The following TENM3 variants were observed in gnomAD, a reference collection of about 807,000 sequenced individuals.
TENM3 encodes teneurin-3.
Under a neutral mutation model 255.1 loss-of-function variants are expected in TENM3, and 63 were observed. The ratio of observed to expected loss-of-function variants is 0.25; its 90% confidence interval spans 0.20 to 0.30. The LOEUF (loss-of-function observed/expected upper bound fraction) is 0.30, where lower values mean the gene tolerates loss of function less well. TENM3 is among the 10% of genes least tolerant of loss of function. TENM3 has a pLI of 1.00. For synonymous variants in TENM3, 1,306 were observed against 1,322.3 expected, an observed-to-expected ratio of 0.99 and a Z score of 0.27; for missense variants, 2,929 against 3,461.1, an observed-to-expected ratio of 0.85 and a Z score of 3.86.
intron 1 of TENM3, among the ~76,000 whole-genome samples, chr4:182,167,302 C>T (rs544392482): frequency 1.1e-4 from 17 of 152,198 alleles, no homozygotes; most frequent in African/African-American, 3.4e-4. Flanking sequence ...TTAAAAACTG[C>T]AAAAGGTTTG....
intron 3 of TENM3, among the ~76,000 whole-genome samples, chr4:182,438,145 A>T (rs1399378014): frequency 6.6e-6 from 1 of 152,190 alleles, no homozygotes; most frequent in African/African-American, 2.4e-5. Context: ...TAATATCCTG[A>T]ACCCAGGTTT....
chr4:181,451,318 G>C, the TENM3 span, among the ~76,000 whole-genome samples: 8 of 152,144 alleles, frequency 5.3e-5, no homozygotes, highest in African/African-American at 1.7e-4. Flanking sequence ...AAAAAAACAG[G>C]AAGAGAACAT....
chr4:182,093,702 G>T, the TENM3 span, among the ~76,000 whole-genome samples: 1 of 152,094 alleles, frequency 6.6e-6, no homozygotes, highest in East Asian at 1.9e-4. Flanking sequence ...GGCCCAGAAA[G>T]GCTAAGAAGG....
chr4:182,701,508 C>CCG (rs1757875334), intron 12 of TENM3, among the ~76,000 whole-genome samples: 1 of 152,000 alleles, frequency 6.6e-6, no homozygotes, highest in Non-Finnish European at 1.5e-5. Flanking sequence ...GCGTGAGCCA[C>CCG]TGCACCTGGC....
At chr4:182,152,783 ATTG>A (rs888142357) in intron 1 of TENM3, among the ~76,000 whole-genome samples, 36 of 151,942 alleles carry the variant, frequency 2.4e-4, no homozygotes, top group African/African-American at 8.7e-4. Context: ...AATTTTCTAT[ATTG>A]TTTTAATTAG....
At chr4:181,834,307 G>A in the TENM3 span, among the ~76,000 whole-genome samples, 1 of 152,276 alleles carries the variant, frequency 6.6e-6, no homozygotes, top group Admixed American at 6.5e-5. Flanking sequence ...ACTAAAGAGA[G>A]ATGCCCAACT....
chr4:181,466,593 G>C, the TENM3 span, among the ~76,000 whole-genome samples: 1 of 152,124 alleles, frequency 6.6e-6, no homozygotes, highest in Non-Finnish European at 1.5e-5. Context: ...ACACATCACA[G>C]TCAGATTGTA....
the TENM3 span, among the ~76,000 whole-genome samples, chr4:182,058,978 GTGTT>G: frequency 6.6e-6 from 1 of 151,362 alleles, no homozygotes; most frequent in East Asian, 1.9e-4. Context: ...GTGTGTGTGT[GTGTT>G]TGTGGCAAGC....
the TENM3 span, among the ~76,000 whole-genome samples, chr4:181,803,939 C>CAAAAAAAAAAAA: frequency 1.7e-5 from 2 of 117,562 alleles, no homozygotes; most frequent in African/African-American, 3.2e-5. Context: ...ATTATCTCAA[C>CAAAAAAAAAAAA]AAAAAAAAAA....
chr4:181,888,552 A>ATG, the TENM3 span, among the ~76,000 whole-genome samples: 1 of 87,836 alleles, frequency 1.1e-5, no homozygotes, highest in South Asian at 3.3e-4. Context: ...ATATATATGT[A>ATG]TATATATACA....
intron 4 of TENM3, among the ~76,000 whole-genome samples, chr4:182,612,513 T>C (rs1749112205): frequency 6.6e-6 from 1 of 152,178 alleles, no homozygotes; most frequent in African/African-American, 2.4e-5. Context: ...TTAATATCTT[T>C]CTGATTTTTA....
chr4:181,543,428 A>G, the TENM3 span, among the ~76,000 whole-genome samples: 1 of 152,166 alleles, frequency 6.6e-6, no homozygotes, highest in African/African-American at 2.4e-5. Flanking sequence ...GGATTTAAGA[A>G]TTGTCTGAGC....
At chr4:181,709,666 G>A in the TENM3 span, among the ~76,000 whole-genome samples, 1 of 152,218 alleles carries the variant, frequency 6.6e-6, no homozygotes, top group South Asian at 2.1e-4. Flanking sequence ...GACATTGGAG[G>A]GACAGGGTCT....
At chr4:181,880,445 A>G in the TENM3 span, among the ~76,000 whole-genome samples, 1 of 152,208 alleles carries the variant, frequency 6.6e-6, no homozygotes, top group Non-Finnish European at 1.5e-5. Context: ...TTGATACAGA[A>G]AAAGGTTTAA....
the TENM3 span, among the ~76,000 whole-genome samples, chr4:182,098,920 A>T: frequency 6.6e-6 from 1 of 150,450 alleles, no homozygotes; most frequent in African/African-American, 2.5e-5. Flanking sequence ...CTTGTTTAAA[A>T]ATTTTACATT....
At chr4:181,768,370 C>T in the TENM3 span, among the ~76,000 whole-genome samples, 1 of 152,122 alleles carries the variant, frequency 6.6e-6, no homozygotes, top group Admixed American at 6.5e-5. Flanking sequence ...CAGCCCAAAA[C>T]GTCAGTAGTG....
chr4:181,733,354 G>T, the TENM3 span, among the ~76,000 whole-genome samples: 8 of 152,156 alleles, frequency 5.3e-5, no homozygotes, highest in African/African-American at 1.7e-4. Context: ...GTTTCTGAAA[G>T]ACTTGGAAAG....
chr4:182,492,981 A>T (rs1735443317), intron 3 of TENM3, among the ~76,000 whole-genome samples: 1 of 152,116 alleles, frequency 6.6e-6, no homozygotes. Flanking sequence ...AGTGAAAGGA[A>T]GGAGTGGTTT....
chr4:181,635,127 C>T, the TENM3 span, among the ~76,000 whole-genome samples: 615 of 152,096 alleles, frequency 4.0e-3, 4 homozygotes, highest in African/African-American at 0.014. Flanking sequence ...GGGATTTAGC[C>T]GTCAAAATTT....
Sources: gnomAD v4.1 joint callset for allele counts (sites outside exome capture counted in the v4.1 genomes callset) on GRCh38, gnomAD v4.1.1 for gene constraint, MANE v1.5 for transcripts, NCBI Gene and HGNC (gene_info 2026-07-23, HGNC 2026-07-21) for gene names.